ZNF516: variants seen among roughly 807,000 people sequenced by gnomAD.
ZNF516 encodes zinc finger protein 516.
ZNF516 carries 19 observed loss-of-function variants against 79.7 expected under a neutral mutation model. The observed-to-expected ratio is 0.24, with a 90% CI of 0.17 to 0.35. The LOEUF (loss-of-function observed/expected upper bound fraction) is 0.35, where lower values mean the gene tolerates loss of function less well. ZNF516 is among the 10% of genes least tolerant of loss of function. The pLI, the probability that ZNF516 is intolerant of heterozygous loss-of-function variation, is 1.00. For missense variants in ZNF516, 1,678 were observed against 1,679.5 expected (o/e 1.00, Z 0.02); for synonymous variants, 877 against 739.5 (o/e 1.19, Z -3.02).
At chr18:76,424,475 GT>G (rs1393442494) in intron 3 of ZNF516, among the ~76,000 whole-genome samples, 1 of 143,390 alleles carries the variant, frequency 7.0e-6, no homozygotes, top group African/African-American at 2.6e-5. Context: ...AGGTGAAAAG[GT>G]TCCCACATGA....
At chr18:76,464,800 T>C (rs776613648) in intron 1 of ZNF516, among the ~76,000 whole-genome samples, 1 of 152,224 alleles carries the variant, frequency 6.6e-6, no homozygotes, top group Non-Finnish European at 1.5e-5. Context: ...TATGGAAAGG[T>C]TAAAAAGTCT....
At position 76,379,686 on chromosome 18, in the gene ZNF516, G is replaced by C. The variant is rs2074856376; in HGVS notation, c.2428C>G (p.Leu810Val). The C allele has an allele frequency of 1.2e-6, 2 of 1,613,708 alleles. No individual in the cohort carries two copies. Among genetic ancestry groups the C allele is most frequent in the Admixed American group, 3.3e-5 (2 of 60,034 alleles). Residue 810 changes from leucine to valine, a missense_variant, in exon 4 of 7, where the codon CTT becomes GTT. Leu to Val is a conservative substitution (Grantham distance 32). This residue lies in a region of ZNF516 where 1,294 missense variants were observed against 1,248.3 expected (regional missense o/e 1.04). Transcript: ENST00000443185. ...GGGCCCGTGCGTCCGCTCCGGGAAA[G>C]GAAAACCAAATTGCTTCTGATGCTT... Reference protein sequence around the residue: ...YKSIRSNLVFLSRSGRTGPPP... With the variant: ...YKSIRSNLVFVSRSGRTGPPP...
chr18:76,484,539 C>CCA (rs1313367556), intron 1 of ZNF516, among the ~76,000 whole-genome samples: 60 of 152,306 alleles, frequency 3.9e-4, no homozygotes, highest in Admixed American at 6.5e-5. Context: ...TCATCACCTA[C>CCA]CACCTTGTAG....
chr18:76,447,184 A>G (rs1912103930), intron 2 of ZNF516, among the ~76,000 whole-genome samples: 1 of 152,240 alleles, frequency 6.6e-6, no homozygotes, highest in South Asian at 2.1e-4. Context: ...CCAAAAAAAG[A>G]ACAAGAATGC....
At chr18:76,492,731 C>T (rs1453971315) in intron 1 of ZNF516, 22 of 985,406 alleles carry the variant, frequency 2.2e-5, no homozygotes, top group Non-Finnish European at 2.7e-5. Flanking sequence ...CAATCACAGC[C>T]CTCCTCTTTT....
At chr18:76,374,993 C>G (rs1468347124) in intron 4 of ZNF516, among the ~76,000 whole-genome samples, 1 of 152,156 alleles carries the variant, frequency 6.6e-6, no homozygotes, top group Non-Finnish European at 1.5e-5. Context: ...AAAGAAACAG[C>G]TGAACAGAAA....
intron 3 of ZNF516, among the ~76,000 whole-genome samples, chr18:76,420,091 T>C (rs915763296): frequency 4.6e-5 from 7 of 152,366 alleles, no homozygotes; most frequent in Admixed American, 2.0e-4. Flanking sequence ...TTTTGTTTAG[T>C]AGGCATTTAA....
intron 1 of ZNF516, chr18:76,492,741 T>C: frequency 2.0e-6 from 2 of 985,502 alleles, no homozygotes; most frequent in Non-Finnish European, 1.2e-6. Flanking sequence ...CCTCCTCTTT[T>C]CTCCCCCTTC....
intron 6 of ZNF516, among the ~76,000 whole-genome samples, chr18:76,370,163 A>C (rs888547982): frequency 1.3e-5 from 2 of 152,222 alleles, no homozygotes. Flanking sequence ...CACAAAAATA[A>C]TGTTCTTCAA....
rs769761991 is a variant in ZNF516, at chr18:76,407,273, T to C, written c.1811-26970A>G. Among the ~76,000 whole-genome samples the C allele has an allele frequency of 6.9e-4, 105 of 151,964 alleles. 1 individual carries two copies. Among genetic ancestry groups the C allele is most frequent in the Non-Finnish European group, 9.0e-4 (61 of 67,928 alleles). On this transcript the variant is annotated intron_variant, in intron 3 of 6. Coordinates refer to ENST00000443185, the MANE Select transcript of ZNF516 (RefSeq NM_014643.4). ...AGACCCCATCTCCACAAAAATAAAATAATTAGCCAGGCATGGTGGTGTGCA... is the reference window on the plus strand; with the variant it reads ...AGACCCCATCTCCACAAAAATAAAACAATTAGCCAGGCATGGTGGTGTGCA...
intron 4 of ZNF516, among the ~76,000 whole-genome samples, chr18:76,375,801 AG>A (rs2074778634): frequency 6.7e-6 from 1 of 148,548 alleles, no homozygotes; most frequent in Admixed American, 6.7e-5. Context: ...GACCAGGTAG[AG>A]GATGTATGGG....
rs546660412 is a variant in ZNF516 at position 76,467,732 on chromosome 18, T to C, written c.-271-4591A>G. Among the ~76,000 whole-genome samples, 1 of 152,288 alleles carries C rather than the reference T, an allele frequency of 6.6e-6. No individual in the cohort carries two copies. The highest frequency in any genetic ancestry group is 2.1e-4 in the South Asian group (1 of 4,826). ...GGCTGCCTCATTTTCAAAGCAGAAG[T>C]TTAGCAATTTCCTGCATTTGCAGGC... On this transcript the variant is annotated intron_variant, in intron 1 of 6. Transcript: ENST00000443185. This position sits in a 1 kb window ranked among gnomAD's most constrained non-coding sequence, Gnocchi z 4.2.
chr18:76,425,395 A>G (rs1259305668), intron 3 of ZNF516, among the ~76,000 whole-genome samples: 1 of 152,218 alleles, frequency 6.6e-6, no homozygotes, highest in African/African-American at 2.4e-5. Context: ...AAAACTAAAT[A>G]AGGCTAGCTC....
intron 6 of ZNF516, among the ~76,000 whole-genome samples, chr18:76,363,666 G>A (rs1047673288): frequency 1.1e-4 from 16 of 152,300 alleles, no homozygotes; most frequent in Middle Eastern, 3.4e-3. Flanking sequence ...TGCAGTAAAC[G>A]GACAAAGACT....
rs868289763 is a variant in ZNF516, at chr18:76,360,824, A to T, written c.*1674T>A. 82 of 129,174 alleles carry T rather than the reference A, an allele frequency of 6.3e-4. No homozygotes were observed. The highest frequency in any genetic ancestry group is 3.8e-3 in the Middle Eastern group (1 of 262). 8.0% of individuals were successfully genotyped at this position (129,174 alleles called of 1,614,324 possible). A position where few individuals can be genotyped will look rare whatever the true frequency, so the allele number is the denominator to read the frequency against. ...ATAATAATAATAATAATAATAATAT[A>T]ATAATATTCAACAAATCATTAGAAC... On this transcript the variant is annotated 3_prime_UTR_variant, in exon 7 of 7. Transcript: ENST00000443185.
rs539044819 is a variant in ZNF516 at position 76,378,798 on chromosome 18, G to A, written c.3259+57C>T. 1,026 of 1,565,046 alleles carry A rather than the reference G, an allele frequency of 6.6e-4. 8 individuals are homozygous for A. Among genetic ancestry groups the A allele is most frequent in the Non-Finnish European group, 1.0e-4 (120 of 1,154,772 alleles). ...AGGTGCGCAGCAGCCCTGGCCCTCC[G>A]GGGGTGGTTCTGGGGGTCACATGTG... On this transcript the variant is annotated intron_variant, in intron 4 of 6. Coordinates refer to ENST00000443185, the MANE Select transcript of ZNF516 (RefSeq NM_014643.4).
intron 1 of ZNF516, among the ~76,000 whole-genome samples, chr18:76,463,402 G>A (rs757275598): frequency 3.3e-5 from 5 of 152,322 alleles, no homozygotes; most frequent in African/African-American, 4.8e-5. Context: ...ACGCAGCAGC[G>A]AAGGTAACCA....
At chr18:76,423,328 G>A (rs770206519) in intron 3 of ZNF516, among the ~76,000 whole-genome samples, 7 of 152,214 alleles carry the variant, frequency 4.6e-5, no homozygotes, top group Non-Finnish European at 8.8e-5. Context: ...TAATAAGTCC[G>A]CAATGTGAAC....
intron 1 of ZNF516, among the ~76,000 whole-genome samples, chr18:76,478,980 T>C (rs1421819769): frequency 2.6e-5 from 4 of 151,486 alleles, no homozygotes; most frequent in Non-Finnish European, 1.5e-5. Flanking sequence ...CATTTGAACC[T>C]GGGAGGCGAA....
Sources: gnomAD v4.1 joint callset for allele counts (sites outside exome capture counted in the v4.1 genomes callset) on GRCh38, gnomAD v4.1.1 for gene constraint, gnomAD v4.1.1 regional missense constraint, Gnocchi (gnomAD v3.1) non-coding constraint, MANE v1.5 for transcripts, NCBI Gene and HGNC (gene_info 2026-07-23, HGNC 2026-07-21) for gene names.